SCHIP1: variants seen among roughly 807,000 people sequenced by gnomAD.
The protein encoded by SCHIP1 is schwannomin interacting protein 1, also known as schwannomin-interacting protein 1.
SCHIP1 carries 8 observed loss-of-function variants against 29.7 expected under a neutral mutation model. That is an observed-to-expected ratio of 0.27 (90% CI 0.16 to 0.49). The LOEUF (loss-of-function observed/expected upper bound fraction) is 0.49, where lower values mean the gene tolerates loss of function less well. SCHIP1 is among the 20% of genes least tolerant of loss of function. The pLI, the probability that SCHIP1 is intolerant of heterozygous loss-of-function variation, is 0.99. For missense variants in SCHIP1, 193 were observed against 294.6 expected, an observed-to-expected ratio of 0.66 and a Z score of 2.52; for synonymous variants, 76 against 94.9, an observed-to-expected ratio of 0.80 and a Z score of 1.16.
At chr3:159,335,056 C>A in the SCHIP1 span, among the ~76,000 whole-genome samples, 2 of 151,946 alleles carry the variant, frequency 1.3e-5, no homozygotes, top group African/African-American at 4.8e-5. Context: ...TGTGCCACCA[C>A]ACCTGGCTAA....
chr3:159,759,869 C>G, the SCHIP1 span, among the ~76,000 whole-genome samples: 1 of 152,214 alleles, frequency 6.6e-6, no homozygotes, highest in Non-Finnish European at 1.5e-5. Context: ...AAATATTTTC[C>G]TGTCTATTCA....
the SCHIP1 span, among the ~76,000 whole-genome samples, chr3:159,306,855 T>G: frequency 2.8e-4 from 43 of 152,300 alleles, no homozygotes; most frequent in African/African-American, 1.0e-3. Flanking sequence ...ATATGGTAAT[T>G]CTTATACCTT....
chr3:159,773,403 C>T, the SCHIP1 span, among the ~76,000 whole-genome samples: 1 of 152,188 alleles, frequency 6.6e-6, no homozygotes, highest in African/African-American at 2.4e-5. Context: ...GATTACACAT[C>T]TTCACCTAAC....
At chr3:159,873,816 T>C (rs554022169) in intron 2 of SCHIP1, among the ~76,000 whole-genome samples, 16 of 152,364 alleles carry the variant, frequency 1.1e-4, no homozygotes, top group Admixed American at 6.5e-4. Context: ...GAATTATCTA[T>C]TTTTGAAATA....
At chr3:159,751,738 G>T in the SCHIP1 span, among the ~76,000 whole-genome samples, 1 of 151,858 alleles carries the variant, frequency 6.6e-6, no homozygotes, top group East Asian at 1.9e-4. Flanking sequence ...AGTAGAGATG[G>T]GGTTTCACAG....
At chr3:159,588,916 T>C in the SCHIP1 span, among the ~76,000 whole-genome samples, 2 of 152,242 alleles carry the variant, frequency 1.3e-5, no homozygotes, top group East Asian at 3.8e-4. Context: ...AGCTTTGTTC[T>C]TTTGGCTTAG....
At chr3:159,544,945 T>G in the SCHIP1 span, among the ~76,000 whole-genome samples, 1 of 152,134 alleles carries the variant, frequency 6.6e-6, no homozygotes, top group South Asian at 2.1e-4. Flanking sequence ...ATGTTCTATG[T>G]TACATTCTAG....
the SCHIP1 span, chr3:159,274,969 T>C: frequency 4.1e-6 from 4 of 983,006 alleles, no homozygotes; most frequent in African/African-American, 7.0e-5. Context: ...ATTCTTTCTG[T>C]TATGGATAAT....
chr3:159,382,340 G>C, the SCHIP1 span, among the ~76,000 whole-genome samples: 1 of 148,988 alleles, frequency 6.7e-6, no homozygotes, highest in African/African-American at 2.5e-5. Context: ...TCCCACCTAT[G>C]AGTGAGAATA....
the SCHIP1 span, among the ~76,000 whole-genome samples, chr3:159,434,846 C>T: frequency 6.6e-6 from 1 of 152,112 alleles, no homozygotes; most frequent in Non-Finnish European, 1.5e-5. Context: ...TTCCCATGAC[C>T]TAAAAGGAAA....
the SCHIP1 span, among the ~76,000 whole-genome samples, chr3:159,330,753 T>C: frequency 2.0e-5 from 3 of 152,190 alleles, no homozygotes; most frequent in Non-Finnish European, 4.4e-5. Context: ...GTCCAGTATT[T>C]CCAGACAACT....
chr3:159,879,341 C>A lies in SCHIP1; in HGVS notation c.150-6866C>A, dbSNP rs141571364. ...TTTCCTCCTTTTTAAAGTGCTCTGACATCTCAAGACGGACTTTCCTAAAGT... is the reference window on the plus strand; with the variant it reads ...TTTCCTCCTTTTTAAAGTGCTCTGAAATCTCAAGACGGACTTTCCTAAAGT... On this transcript the variant is annotated intron_variant, in intron 2 of 6. Transcript: ENST00000445224. 5.1e-3 allele frequency among the ~76,000 whole-genome samples: 779 copies of A among 151,576 alleles called. 4 individuals carry two copies. The highest frequency in any genetic ancestry group is 7.9e-3 in the South Asian group (38 of 4,790).
chr3:159,888,208 C>T (rs1001991932), intron 4 of SCHIP1: 2 of 392,276 alleles, frequency 5.1e-6, no homozygotes, highest in Admixed American at 4.1e-5. Flanking sequence ...AATCTAAGAA[C>T]CTATTGGTCT....
At chr3:159,669,089 T>C in the SCHIP1 span, among the ~76,000 whole-genome samples, 1 of 152,172 alleles carries the variant, frequency 6.6e-6, no homozygotes, top group Non-Finnish European at 1.5e-5. Context: ...ATGCCCGAAC[T>C]CCAGCTCCAC....
chr3:159,634,686 G>T, the SCHIP1 span, among the ~76,000 whole-genome samples: 1 of 152,202 alleles, frequency 6.6e-6, no homozygotes, highest in African/African-American at 2.4e-5. Context: ...GTTGTTCTCA[G>T]ATTTGTTTGT....
chr3:159,764,619 C>A, the SCHIP1 span: 3 of 1,608,544 alleles, frequency 1.9e-6, no homozygotes, highest in South Asian at 3.3e-5. The surrounding 1 kb of genome is among the most constrained non-coding windows in gnomAD (Gnocchi z 6.1). Context: ...ATGAGGAGCC[C>A]TTCCCGGTCT....
chr3:159,773,523 G>T, the SCHIP1 span, among the ~76,000 whole-genome samples: 3 of 148,542 alleles, frequency 2.0e-5, no homozygotes, highest in Non-Finnish European at 4.5e-5. Context: ...TTTTTAAATT[G>T]TTTTTTTTTT....
At chr3:159,749,178 A>T in the SCHIP1 span, among the ~76,000 whole-genome samples, 3 of 151,788 alleles carry the variant, frequency 2.0e-5, no homozygotes, top group Admixed American at 2.0e-4. Flanking sequence ...GGGGAGAGGA[A>T]ATGTATGCAA....
At chr3:159,789,686 T>G in the SCHIP1 span, among the ~76,000 whole-genome samples, 126 of 152,328 alleles carry the variant, frequency 8.3e-4, no homozygotes, top group Middle Eastern at 3.4e-3. Context: ...GATCATACTT[T>G]GAGAATGATA....
Sources: allele counts gnomAD v4.1 joint callset (sites outside exome capture counted in the v4.1 genomes callset), GRCh38; gene constraint gnomAD v4.1.1; non-coding constraint Gnocchi (gnomAD v3.1); transcripts MANE v1.5; gene names NCBI Gene and HGNC (gene_info 2026-07-23, HGNC 2026-07-21).